The following SYN1 variants were observed in gnomAD, a reference collection of about 807,000 sequenced individuals.
SYN1 encodes synapsin-1.
SYN1 carries 8 observed loss-of-function variants against 44.6 expected under a neutral mutation model. The ratio of observed to expected loss-of-function variants is 0.18; its 90% CI spans 0.11 to 0.32. SYN1 has a LOEUF of 0.32. Ranked by LOEUF, SYN1 falls within the 10% of genes least tolerant of loss-of-function variation. The probability of loss-of-function intolerance (pLI) is 1.00; values close to 1 mark genes in which losing one functional copy is unlikely to be tolerated. For missense variants in SYN1, 451 were observed against 639.4 expected (o/e 0.71, Z 3.18); for synonymous variants, 275 against 280.1 (o/e 0.98, Z 0.18).
intron 2 of SYN1, 51 bp downstream of exon 2, chrX:47,607,090 T>C: frequency 8.3e-7 from 1 of 1,206,187 alleles, no homozygotes; most frequent in Non-Finnish European, 1.1e-6. Flanking sequence ...AAATGGCCAC[T>C]CAGTTTGCAG....
chrX:47,618,647 C>G (rs1357106569), intron 1 of SYN1, among the ~76,000 whole-genome samples: 2 of 111,351 alleles, frequency 1.8e-5, no homozygotes, highest in Non-Finnish European at 3.8e-5. Context: ...AAAAGGCCCT[C>G]AGAGAGAGGG....
Position 47,574,702 on chromosome X carries a change from C to T in SYN1, c.1379G>A (p.Arg460Gln), listed in dbSNP as rs1368266543. 1.7e-6 allele frequency: 2 copies of T among 1,182,933 alleles called. No homozygotes were observed. Among genetic ancestry groups the T allele is most frequent in the Admixed American group, 2.5e-5 (1 of 40,452 alleles). Residue 460 changes from arginine (R) to glutamine (Q), a missense_variant, in exon 11 of 13, where the codon CGA becomes CAA. By Grantham distance (43) the Arg-to-Gln change is conservative. Transcript: ENST00000295987. Reference sequence around the variant, plus strand: ...CTCTCGCTTACCCTGTGGTGGGGGTCGCTGCTGAGCCGGGGGCCCTGCGGG... The same window carrying T: ...CTCTCGCTTACCCTGTGGTGGGGGTTGCTGCTGAGCCGGGGGCCCTGCGGG... ...QQPAGPPAQQ[R>Q]PPPQGGPPQP... is the part of the protein sequence containing the mutation.
At chrX:47,611,047 A>G (rs767271051) in intron 1 of SYN1, among the ~76,000 whole-genome samples, 1 of 111,413 alleles carries the variant, frequency 9.0e-6, no homozygotes, top group African/African-American at 3.3e-5. Flanking sequence ...AGACCCACCC[A>G]GTGGTCACTT....
intron 5 of SYN1, among the ~76,000 whole-genome samples, chrX:47,591,554 C>T (rs2057847988): frequency 9.1e-6 from 1 of 110,076 alleles, no homozygotes; most frequent in Non-Finnish European, 1.9e-5. Flanking sequence ...AACCCCGTCT[C>T]TACTACAAAT....
intron 5 of SYN1, among the ~76,000 whole-genome samples, chrX:47,584,276 G>T (rs1189414908): frequency 9.0e-6 from 1 of 110,757 alleles, no homozygotes; most frequent in Non-Finnish European, 1.9e-5. Flanking sequence ...GATGATCAGA[G>T]ATTGAGGATG....
chrX:47,585,602 A>C lies in SYN1; in HGVS notation c.775-8101T>G, dbSNP rs751311919. The C allele has an allele frequency of 8.3e-7, 1 of 1,198,867 alleles. No homozygotes were observed. Among genetic ancestry groups the C allele is most frequent in the East Asian group, 3.0e-5 (1 of 33,731 alleles). On this transcript the variant is annotated intron_variant, in intron 5 of 12. Coordinates refer to ENST00000295987, the MANE Select transcript of SYN1 (RefSeq NM_006950.3). ...CTGCAGTTTTGTGGCTCCCTGGAACAGCCTGAGCTTAGCTCAGCGCCGGGG... is the reference window on the plus strand; with the variant it reads ...CTGCAGTTTTGTGGCTCCCTGGAACCGCCTGAGCTTAGCTCAGCGCCGGGG...
chrX:47,604,152 G>A (rs1038034179), intron 5 of SYN1, among the ~76,000 whole-genome samples: 6 of 110,456 alleles, frequency 5.4e-5, no homozygotes, highest in African/African-American at 1.6e-4. Flanking sequence ...CAGGTGATCC[G>A]CCCACTTCGG....
intron 5 of SYN1, among the ~76,000 whole-genome samples, chrX:47,594,091 A>G (rs1339261319): frequency 9.0e-6 from 1 of 110,677 alleles, no homozygotes; most frequent in African/African-American, 3.3e-5. Context: ...AGAATTAGCT[A>G]GGCATGGTGG....
chrX:47,575,652 CTT>C (rs1400754062), intron 9 of SYN1, among the ~76,000 whole-genome samples: 2 of 112,553 alleles, frequency 1.8e-5, no homozygotes, highest in Non-Finnish European at 3.8e-5. Flanking sequence ...CACAGCCACA[CTT>C]ATTTTTTTAA....
intron 3 of SYN1, among the ~76,000 whole-genome samples, chrX:47,606,300 T>C (rs1044441934): frequency 1.8e-5 from 2 of 110,675 alleles, no homozygotes; most frequent in African/African-American, 6.6e-5. Flanking sequence ...TTTTTCTTTT[T>C]TTTTTTTTGG....
At chrX:47,601,590 CA>C (rs1241829670) in intron 5 of SYN1, among the ~76,000 whole-genome samples, 1 of 110,449 alleles carries the variant, frequency 9.1e-6, no homozygotes, top group Non-Finnish European at 1.9e-5. Context: ...GACCCTGTCT[CA>C]AAAAAAGAAA....
In SYN1 at chrX:47,574,725, G is replaced by A. The variant is rs749470625; in HGVS notation, c.1356C>T (p.Pro452=). The change falls in exon 11 of 13, where the codon CCC becomes CCT. Residue 452 remains proline (P), a synonymous_variant. Transcript: ENST00000295987. Reference sequence around the variant, plus strand: ...GTCGCTGCTGAGCCGGGGGCCCTGCGGGCTGCTGGGAGGTCTGGCGGCCCA... The same window carrying A: ...GTCGCTGCTGAGCCGGGGGCCCTGCAGGCTGCTGGGAGGTCTGGCGGCCCA... ...LPLGRQTSQQ[P]AGPPAQQRPP... is the part of the protein sequence containing the mutation. The A allele has an allele frequency of 3.4e-6, 4 of 1,187,050 alleles. No individual in the cohort carries two copies. The African/African-American group carries it at 7.0e-5, about 21-fold the overall frequency.
chrX:47,596,424 C>CTGTA (rs1465948217), intron 5 of SYN1, among the ~76,000 whole-genome samples: 1 of 112,423 alleles, frequency 8.9e-6, no homozygotes, highest in African/African-American at 3.2e-5. Flanking sequence ...ACGCATAAGG[C>CTGTA]TGTATGTATG....
intron 1 of SYN1, among the ~76,000 whole-genome samples, chrX:47,610,468 C>G (rs1377960288): frequency 9.5e-6 from 1 of 105,201 alleles, no homozygotes; most frequent in South Asian, 4.6e-4. Context: ...GTCTACCCCC[C>G]ACCTACCCTC....
Position 47,585,087 on chromosome X carries a change from C to G in SYN1, c.775-7586G>C, listed in dbSNP as rs1459778511. The G allele has an allele frequency of 7.7e-6, 9 of 1,176,339 alleles. No individual in the cohort carries two copies. The East Asian group carries it at 2.1e-4, about 27-fold the overall frequency. ...TCCTGGTCAAAACAGAAACTTCTGG[C>G]CACTGGTTGGTGCGAGAAAGTTGGC... On this transcript the variant is annotated intron_variant, in intron 5 of 12. Coordinates refer to ENST00000295987, the MANE Select transcript of SYN1 (RefSeq NM_006950.3).
chrX:47,580,698 G>A (rs1278830747), intron 5 of SYN1, among the ~76,000 whole-genome samples: 2 of 110,261 alleles, frequency 1.8e-5, no homozygotes, highest in Non-Finnish European at 3.8e-5. Context: ...CACTTTGGGA[G>A]GTCGAGGCAG....
At chrX:47,575,570 G>T (rs1206973923) in intron 9 of SYN1, among the ~76,000 whole-genome samples, 3 of 112,426 alleles carry the variant, frequency 2.7e-5, no homozygotes, top group Non-Finnish European at 5.6e-5. Context: ...GAAAAAAATC[G>T]AAAGATTTTA....
intron 5 of SYN1, 42 bp downstream of exon 5, chrX:47,604,936 A>C: frequency 9.1e-7 from 1 of 1,099,157 alleles, no homozygotes. Flanking sequence ...TGCAGTAGTT[A>C]TGACTCTTCC....
intron 10 of SYN1, 143 bp downstream of exon 10, chrX:47,574,985 T>C (rs1215037732): frequency 1.1e-6 from 1 of 926,540 alleles, no homozygotes; most frequent in Non-Finnish European, 1.5e-6. Flanking sequence ...CTTATCAATG[T>C]TTTAAACAAT....
Sources: allele counts gnomAD v4.1 joint callset (sites outside exome capture counted in the v4.1 genomes callset), GRCh38; gene constraint gnomAD v4.1.1; transcripts MANE v1.5; gene names NCBI Gene and HGNC (gene_info 2026-07-23, HGNC 2026-07-21).